Variants in AFAP1L2 observed in about 807,000 individuals in gnomAD.
The protein encoded by AFAP1L2 is actin filament-associated protein 1-like 2.
AFAP1L2 carries 46 observed loss-of-function variants against 99.3 expected under a neutral mutation model. The observed-to-expected ratio is 0.46, with a 90% CI of 0.37 to 0.59. The LOEUF is 0.59. Among genes scored for constraint, AFAP1L2 ranks in the 20% least tolerant of loss-of-function variants. AFAP1L2 has a pLI of 0.00. For missense variants in AFAP1L2, 959 were observed against 1,034.9 expected (o/e 0.93, Z 1.01); for synonymous variants, 397 against 419.1 (o/e 0.95, Z 0.64).
the AFAP1L2 span, among the ~76,000 whole-genome samples, chr10:114,285,486 A>G: frequency 2.0e-5 from 3 of 152,214 alleles, no homozygotes; most frequent in African/African-American, 7.2e-5. Flanking sequence ...AAAACAAGTG[A>G]TACTGGGTTA....
At chr10:114,404,840 G>A (rs2058572999), upstream of AFAP1L2, 1 of 206,108 alleles carries the variant, frequency 4.9e-6, no homozygotes, top group Admixed American at 6.0e-5. Flanking sequence ...CCGGGAGGCC[G>A]GGCTTGGGTG....
At chr10:114,393,326 C>T (rs866816901) in intron 1 of AFAP1L2, among the ~76,000 whole-genome samples, 6 of 152,164 alleles carry the variant, frequency 3.9e-5, no homozygotes, top group Non-Finnish European at 8.8e-5. Flanking sequence ...AGCCAAGAAA[C>T]GAGGCTGACA....
chr10:114,311,933 G>A (rs1357792961), intron 7 of AFAP1L2, among the ~76,000 whole-genome samples: 1 of 152,244 alleles, frequency 6.6e-6, no homozygotes, highest in Non-Finnish European at 1.5e-5. Context: ...CATCAGACAG[G>A]TGGACCAGCC....
intron 1 of AFAP1L2, among the ~76,000 whole-genome samples, chr10:114,353,175 T>G (rs2050802926): frequency 6.6e-6 from 1 of 152,178 alleles, no homozygotes; most frequent in Non-Finnish European, 1.5e-5. Flanking sequence ...TACTAGGAAG[T>G]GGGCTTTTCC....
At chr10:114,386,026 C>T (rs1294286749) in intron 1 of AFAP1L2, among the ~76,000 whole-genome samples, 1 of 151,962 alleles carries the variant, frequency 6.6e-6, no homozygotes, top group Non-Finnish European at 1.5e-5. Context: ...ACGGTCACTA[C>T]CAGATGTGGG....
chr10:114,333,159 T>G, intron 3 of AFAP1L2, 62 bp downstream of exon 3: 3 of 1,471,750 alleles, frequency 2.0e-6, no homozygotes, highest in Non-Finnish European at 2.8e-6. Context: ...CAGAACCAGC[T>G]TGGACCTTCC....
At chr10:114,396,198 C>G (rs752413415) in intron 1 of AFAP1L2, among the ~76,000 whole-genome samples, 6 of 152,232 alleles carry the variant, frequency 3.9e-5, no homozygotes, top group Non-Finnish European at 8.8e-5. Flanking sequence ...AGCCTTCCAA[C>G]AGGCTGTGCT....
intron 1 of AFAP1L2, among the ~76,000 whole-genome samples, chr10:114,369,863 G>T (rs1195629861): frequency 3.3e-5 from 5 of 152,128 alleles, no homozygotes; most frequent in Non-Finnish European, 5.9e-5. Flanking sequence ...TCCAAAACCA[G>T]TGACCACACC....
rs556731878 is a variant in AFAP1L2, at chr10:114,362,049, A to G, written c.17-21318T>C. 5.3e-5 allele frequency among the ~76,000 whole-genome samples: 8 copies of G among 152,336 alleles called. No homozygotes were observed. In the East Asian group the frequency reaches 1.3e-3, roughly 26 times the overall value. The stretch of plus-strand genomic sequence containing the variant: ...AGTGGAGAGAGCTGGATTGGAATTT[A>G]GGAGTTCCACTAACAAGTGCTGTGA... On this transcript the variant is annotated intron_variant, in intron 1 of 18. Coordinates refer to ENST00000304129, the MANE Select transcript of AFAP1L2 (RefSeq NM_001001936.3).
chr10:114,310,207 G>A (rs1218199213), intron 8 of AFAP1L2, 147 bp downstream of exon 8: 22 of 799,802 alleles, frequency 2.8e-5, no homozygotes, highest in Admixed American at 1.3e-4. Flanking sequence ...GCTTACAGGC[G>A]TGAGCCCACC....
rs1190032634 is a variant in AFAP1L2 at position 114,295,939 on chromosome 10, T to C, written c.*103A>G. ...TCACAGTACCTCAGTCTTTGCTTTT[T>C]CTTCTAAACAGACTCACCCTTTCGC... On this transcript the variant is annotated 3_prime_UTR_variant, in exon 19 of 19. Coordinates refer to ENST00000304129, the MANE Select transcript of AFAP1L2 (RefSeq NM_001001936.3). 3.8e-5 allele frequency: 61 copies of C among 1,602,330 alleles called. No individual in the cohort carries two copies. Among genetic ancestry groups the C allele is most frequent in the Non-Finnish European group, 4.9e-5 (57 of 1,172,942 alleles).
intron 6 of AFAP1L2, among the ~76,000 whole-genome samples, 194 bp downstream of exon 6, chr10:114,315,366 G>C (rs563047008): frequency 1.3e-5 from 2 of 152,242 alleles, no homozygotes; most frequent in African/African-American, 4.8e-5. Context: ...AGACCTTTCT[G>C]GTTCAGAAAA....
At chr10:114,391,129 A>G (rs964482371) in intron 1 of AFAP1L2, among the ~76,000 whole-genome samples, 1 of 152,206 alleles carries the variant, frequency 6.6e-6, no homozygotes, top group African/African-American at 2.4e-5. Context: ...GGTGTCACTC[A>G]GTGAACAGAG....
At chr10:114,372,490 G>A (rs2054248829) in intron 1 of AFAP1L2, among the ~76,000 whole-genome samples, 1 of 152,214 alleles carries the variant, frequency 6.6e-6, no homozygotes, top group Admixed American at 6.5e-5. Flanking sequence ...TCCACAACAG[G>A]CCAAGGGTAG....
intron 4 of AFAP1L2, among the ~76,000 whole-genome samples, chr10:114,327,897 G>T (rs1045267048): frequency 6.6e-6 from 1 of 152,236 alleles, no homozygotes; most frequent in African/African-American, 2.4e-5. Flanking sequence ...GCTCCCAGGT[G>T]GGGGTGAGTG....
At chr10:114,303,518 G>A (rs915807280) in intron 11 of AFAP1L2, among the ~76,000 whole-genome samples, 1 of 152,156 alleles carries the variant, frequency 6.6e-6, no homozygotes, top group African/African-American at 2.4e-5. Context: ...TGTTGGCCAG[G>A]CTGGTTTCAA....
At chr10:114,315,313 C>T (rs956585031) in intron 6 of AFAP1L2, among the ~76,000 whole-genome samples, 12 of 151,658 alleles carry the variant, frequency 7.9e-5, no homozygotes, top group East Asian at 3.9e-4. Flanking sequence ...ATGGGGGAGG[C>T]GGTGGTAGTC....
At chr10:114,362,879 T>A in intron 1 of AFAP1L2, 12 of 906,432 alleles carry the variant, frequency 1.3e-5, no homozygotes, top group Non-Finnish European at 1.6e-5. Flanking sequence ...AACTTCTGAT[T>A]TGAAAACATT....
chr10:114,297,243 G>T lies in AFAP1L2; in HGVS notation c.2284C>A (p.His762Asn), dbSNP rs141490574. The change falls in exon 17 of 19, where the codon CAC (histidine) becomes AAC (asparagine). Residue 762 changes from histidine to asparagine, a missense_variant. Coordinates refer to ENST00000304129, the MANE Select transcript of AFAP1L2 (RefSeq NM_001001936.3). Reference sequence around the variant, plus strand: ...ACGCGGGGGCTCACATTCTCCAGGTGGGTGGTGTCCACGGTGGTGCCTAAC... The same window carrying T: ...ACGCGGGGGCTCACATTCTCCAGGTTGGTGGTGTCCACGGTGGTGCCTAAC... Reference protein sequence around the residue: ...VTLGTTVDTTHLENVSPRPKA... With the variant: ...VTLGTTVDTTNLENVSPRPKA... The T allele has an allele frequency of 2.5e-5, 40 of 1,613,888 alleles. No individual in the cohort carries two copies. The African/African-American group carries it at 4.9e-4, about 20-fold the overall frequency.
Sources: allele counts gnomAD v4.1 joint callset (sites outside exome capture counted in the v4.1 genomes callset), GRCh38; gene constraint gnomAD v4.1.1; transcripts MANE v1.5; gene names NCBI Gene and HGNC (gene_info 2026-07-23, HGNC 2026-07-21).